Variants in TAFA5 observed in about 807,000 individuals in gnomAD.
The protein encoded by TAFA5 is TAFA chemokine like family member 5.
TAFA5 carries 6 observed loss-of-function variants against 15.3 expected under a neutral mutation model. The ratio of observed to expected loss-of-function variants is 0.39; its 90% CI spans 0.21 to 0.77. The LOEUF (loss-of-function observed/expected upper bound fraction) is 0.77. Among genes scored for constraint, TAFA5 ranks in the 30% least tolerant of loss-of-function variants. The probability of loss-of-function intolerance (pLI) is 0.41; values close to 1 mark genes in which losing one functional copy is unlikely to be tolerated. For missense variants in TAFA5, 161 were observed against 193.1 expected, an observed-to-expected ratio of 0.83 and a Z score of 0.98; for synonymous variants, 103 against 80.7, an observed-to-expected ratio of 1.28 and a Z score of -1.48.
At chr22:48,713,607 G>A (rs1176189945) in intron 3 of TAFA5, among the ~76,000 whole-genome samples, 4 of 152,220 alleles carry the variant, frequency 2.6e-5, no homozygotes, top group African/African-American at 4.8e-5. Flanking sequence ...TGGTCATCTC[G>A]TGGTTCGAGA....
intron 1 of TAFA5, among the ~76,000 whole-genome samples, chr22:48,577,230 G>A (rs990111611): frequency 2.0e-5 from 3 of 152,238 alleles, no homozygotes; most frequent in African/African-American, 4.8e-5. Context: ...CCTCGTGGCT[G>A]GAGAGGCCCT....
At chr22:48,727,160 A>G (rs1929739376) in intron 3 of TAFA5, among the ~76,000 whole-genome samples, 1 of 152,194 alleles carries the variant, frequency 6.6e-6, no homozygotes, top group Non-Finnish European at 1.5e-5. Flanking sequence ...ATTAATGGTG[A>G]CCATTGATAT....
chr22:48,645,636 A>G (rs1242704501), intron 1 of TAFA5, among the ~76,000 whole-genome samples: 1 of 151,790 alleles, frequency 6.6e-6, no homozygotes, highest in Non-Finnish European at 1.5e-5. Context: ...TAATGTGGGG[A>G]GCAGAGGTGG....
At chr22:48,535,038 C>T (rs965624813) in intron 1 of TAFA5, among the ~76,000 whole-genome samples, 1 of 152,104 alleles carries the variant, frequency 6.6e-6, no homozygotes, top group Non-Finnish European at 1.5e-5. Flanking sequence ...GGGAACATTC[C>T]GGAACATCAC....
chr22:48,611,992 G>A (rs772616865), intron 1 of TAFA5, among the ~76,000 whole-genome samples: 1 of 152,164 alleles, frequency 6.6e-6, no homozygotes, highest in African/African-American at 2.4e-5. Flanking sequence ...CTGAGCCTCA[G>A]TTTCCTCACC....
intron 1 of TAFA5, among the ~76,000 whole-genome samples, chr22:48,578,058 TG>T (rs1923883194): frequency 6.6e-6 from 1 of 152,230 alleles, no homozygotes; most frequent in African/African-American, 2.4e-5. Flanking sequence ...TCCAGGTACC[TG>T]GCAAAGGGGT....
intron 1 of TAFA5, among the ~76,000 whole-genome samples, chr22:48,588,941 G>A (rs1924460049): frequency 6.6e-6 from 1 of 152,208 alleles, no homozygotes; most frequent in Non-Finnish European, 1.5e-5. Context: ...CCTCAGAGAA[G>A]GTGGATTTTA....
At chr22:48,620,268 C>T (rs1328860811) in intron 1 of TAFA5, among the ~76,000 whole-genome samples, 2 of 152,096 alleles carry the variant, frequency 1.3e-5, no homozygotes, top group Non-Finnish European at 2.9e-5. Context: ...CTCCAGGTCC[C>T]TGACCCTTGG....
intron 2 of TAFA5, among the ~76,000 whole-genome samples, chr22:48,704,722 C>T (rs1344922806): frequency 6.6e-6 from 1 of 152,106 alleles, no homozygotes; most frequent in Admixed American, 6.5e-5. Context: ...TCACCTGACT[C>T]TTCAGGTGAA....
At chr22:48,522,404 C>A (rs892744147) in intron 1 of TAFA5, among the ~76,000 whole-genome samples, 1 of 152,134 alleles carries the variant, frequency 6.6e-6, no homozygotes, top group African/African-American at 2.4e-5. Context: ...ACCTCCCATC[C>A]ACTGGCACCG....
chr22:48,703,988 C>G (rs930120405), intron 2 of TAFA5, among the ~76,000 whole-genome samples: 1 of 152,202 alleles, frequency 6.6e-6, no homozygotes, highest in Non-Finnish European at 1.5e-5. Flanking sequence ...TAGGGCAGAA[C>G]AGGACAGGCA....
rs931646391 is a variant in TAFA5 at position 48,686,292 on chromosome 22, C to T, written c.263-21425C>T. On this transcript the variant is annotated intron_variant, in intron 2 of 3. Transcript: ENST00000402357. ...AGTGCATAGACAGAAATTTGTTTCT[C>T]ACAGCTCTGGAGGCTGGAAATCTAC... Among the ~76,000 whole-genome samples the T allele has an allele frequency of 3.3e-5, 5 of 152,326 alleles. No homozygotes were observed. In the East Asian group the frequency reaches 9.6e-4, roughly 29 times the overall value.
intron 1 of TAFA5, among the ~76,000 whole-genome samples, chr22:48,494,292 C>T (rs133518): frequency 7.2e-5 from 11 of 152,182 alleles, no homozygotes; most frequent in Non-Finnish European, 1.3e-4. Context: ...GCATCTGCGC[C>T]GATTTAGAAG....
intron 2 of TAFA5, among the ~76,000 whole-genome samples, chr22:48,698,486 G>A (rs1928799011): frequency 6.6e-6 from 1 of 151,566 alleles, no homozygotes; most frequent in South Asian, 2.1e-4. Flanking sequence ...GGTGATGATA[G>A]GGAGAGCTGA....
intron 1 of TAFA5, among the ~76,000 whole-genome samples, chr22:48,508,361 C>T (rs1161494060): frequency 6.6e-6 from 1 of 152,216 alleles, no homozygotes; most frequent in Non-Finnish European, 1.5e-5. Context: ...AATGTGGCTA[C>T]CCCAGGTCAC....
At chr22:48,632,714 C>T (rs1421438134) in intron 1 of TAFA5, among the ~76,000 whole-genome samples, 1 of 152,178 alleles carries the variant, frequency 6.6e-6, no homozygotes, top group Non-Finnish European at 1.5e-5. Context: ...TCATGGATGC[C>T]TTGGGACCTG....
chr22:48,649,757 C>T (rs1220830047), intron 2 of TAFA5, among the ~76,000 whole-genome samples: 5 of 152,120 alleles, frequency 3.3e-5, no homozygotes, highest in Admixed American at 2.6e-4. Flanking sequence ...GACACTGATG[C>T]GTCTCAAGAC....
chr22:48,499,012 C>A (rs1425446514), intron 1 of TAFA5, among the ~76,000 whole-genome samples: 1 of 152,206 alleles, frequency 6.6e-6, no homozygotes. Flanking sequence ...CCTTGCCTCC[C>A]GTGACTGTTT....
intron 1 of TAFA5, among the ~76,000 whole-genome samples, chr22:48,506,002 C>G (rs990421011): frequency 3.9e-5 from 6 of 152,200 alleles, no homozygotes; most frequent in African/African-American, 1.2e-4. Context: ...CTCCCAGGAG[C>G]CAGCCTAGGG....
Sources: allele counts gnomAD v4.1 joint callset (sites outside exome capture counted in the v4.1 genomes callset), GRCh38; gene constraint gnomAD v4.1.1; transcripts MANE v1.5; gene names NCBI Gene and HGNC (gene_info 2026-07-23, HGNC 2026-07-21).